Variants in CACNA2D3 observed in about 807,000 individuals in gnomAD.
The protein encoded by CACNA2D3 is calcium voltage-gated channel auxiliary subunit alpha2delta 3.
CACNA2D3 carries 60 observed loss-of-function variants against 160.6 expected under a neutral mutation model. That is an observed-to-expected ratio of 0.37 (90% CI 0.30 to 0.46). The LOEUF is 0.46. Ranked by LOEUF, CACNA2D3 falls within the 20% of genes least tolerant of loss-of-function variation. The pLI is 1.00. For missense variants in CACNA2D3, 1,205 were observed against 1,365.0 expected (o/e 0.88, Z 1.85); for synonymous variants, 558 against 492.9 (o/e 1.13, Z -1.75).
At chr3:54,527,810 A>G (rs963626655) in intron 5 of CACNA2D3, among the ~76,000 whole-genome samples, 2 of 152,142 alleles carry the variant, frequency 1.3e-5, no homozygotes, top group African/African-American at 2.4e-5. Context: ...TGTCTTGCCA[A>G]ACTTGGATGA....
At chr3:54,913,845 G>T (rs996349626) in intron 27 of CACNA2D3, among the ~76,000 whole-genome samples, 1 of 152,150 alleles carries the variant, frequency 6.6e-6, no homozygotes, top group African/African-American at 2.4e-5. Flanking sequence ...TAAGCTGTCT[G>T]TGTCTTCGTA....
intron 2 of CACNA2D3, among the ~76,000 whole-genome samples, chr3:54,203,683 A>G (rs529914049): frequency 3.3e-5 from 5 of 151,826 alleles, no homozygotes; most frequent in African/African-American, 1.2e-4. Context: ...TCCCTCGGCC[A>G]AACTCCGTCT....
intron 11 of CACNA2D3, among the ~76,000 whole-genome samples, chr3:54,728,634 T>A (rs1484660589): frequency 6.6e-6 from 1 of 152,230 alleles, no homozygotes; most frequent in Non-Finnish European, 1.5e-5. Flanking sequence ...GAAAAATTGT[T>A]GAGGCTTTGG....
At chr3:54,683,379 C>G (rs931334567) in intron 11 of CACNA2D3, among the ~76,000 whole-genome samples, 1 of 152,164 alleles carries the variant, frequency 6.6e-6, no homozygotes, top group African/African-American at 2.4e-5. Flanking sequence ...CAAAAACTTT[C>G]AATGTGGGCT....
At chr3:54,473,021 AG>A (rs1450512641) in intron 4 of CACNA2D3, among the ~76,000 whole-genome samples, 2 of 152,174 alleles carry the variant, frequency 1.3e-5, no homozygotes, top group Non-Finnish European at 2.9e-5. Context: ...TCCTAGAATT[AG>A]AAAAAACTAC....
At chr3:54,628,225 C>CA (rs377753491) in intron 10 of CACNA2D3, among the ~76,000 whole-genome samples, 87 of 148,542 alleles carry the variant, frequency 5.9e-4, no homozygotes, top group South Asian at 4.3e-4. Flanking sequence ...GACTCCGTCT[C>CA]AAAAAAAAAT....
intron 3 of CACNA2D3, among the ~76,000 whole-genome samples, chr3:54,350,325 T>A (rs1208434138): frequency 6.6e-6 from 1 of 152,238 alleles, no homozygotes; most frequent in Non-Finnish European, 1.5e-5. Flanking sequence ...GTATATTTTC[T>A]AATGGAGATT....
intron 25 of CACNA2D3, chr3:54,894,705 C>T (rs765048802): frequency 3.5e-5 from 17 of 481,894 alleles, no homozygotes; most frequent in African/African-American, 3.3e-4. Flanking sequence ...GGCCAGGCAA[C>T]AGAGGCTCCT....
At chr3:54,130,356 T>G (rs1426129475) in intron 2 of CACNA2D3, among the ~76,000 whole-genome samples, 1 of 152,246 alleles carries the variant, frequency 6.6e-6, no homozygotes, top group East Asian at 1.9e-4. Context: ...TTTTCAAAGA[T>G]TCACATCTTT....
At chr3:54,992,092 A>G (rs1187514797) in intron 31 of CACNA2D3, among the ~76,000 whole-genome samples, 1 of 152,084 alleles carries the variant, frequency 6.6e-6, no homozygotes, top group Non-Finnish European at 1.5e-5. Flanking sequence ...GACCTTTAAA[A>G]ACACTCCAAG....
intron 16 of CACNA2D3, among the ~76,000 whole-genome samples, chr3:54,844,073 G>A (rs1413984566): frequency 1.3e-5 from 2 of 152,080 alleles, no homozygotes; most frequent in African/African-American, 4.8e-5. Flanking sequence ...TTGAGGGAGA[G>A]GAGAGCTAAG....
chr3:54,301,342 T>A (rs531916168), intron 2 of CACNA2D3, among the ~76,000 whole-genome samples: 262 of 150,536 alleles, frequency 1.7e-3, no homozygotes, highest in Non-Finnish European at 2.8e-3. Flanking sequence ...CTCACACCTG[T>A]AGTCCCAGCA....
intron 4 of CACNA2D3, among the ~76,000 whole-genome samples, chr3:54,441,374 T>C (rs931948624): frequency 3.9e-5 from 6 of 152,230 alleles, no homozygotes; most frequent in Non-Finnish European, 8.8e-5. Context: ...TCATTGTAGA[T>C]TCTGGATATT....
chr3:54,936,626 G>A (rs1701336306), intron 27 of CACNA2D3, among the ~76,000 whole-genome samples: 1 of 152,060 alleles, frequency 6.6e-6, no homozygotes, highest in African/African-American at 2.4e-5. Context: ...TCCCATATTG[G>A]GTTACCTACT....
intron 4 of CACNA2D3, among the ~76,000 whole-genome samples, chr3:54,393,219 G>A (rs1490228295): frequency 6.6e-6 from 1 of 152,136 alleles, no homozygotes; most frequent in African/African-American, 2.4e-5. Context: ...ACCCATCGTC[G>A]ACGTGGAGAC....
At chr3:54,215,512 A>G (rs1701444770) in intron 2 of CACNA2D3, among the ~76,000 whole-genome samples, 1 of 152,112 alleles carries the variant, frequency 6.6e-6, no homozygotes. Context: ...TATTACACAC[A>G]TGTGGGTTTG....
intron 27 of CACNA2D3, chr3:54,924,529 C>T: frequency 9.1e-7 from 1 of 1,095,582 alleles, no homozygotes; most frequent in Non-Finnish European, 1.3e-6. Flanking sequence ...CTTACACACT[C>T]CTCCACATTC....
chr3:54,893,402 T>C (rs1016719411), intron 25 of CACNA2D3, among the ~76,000 whole-genome samples: 2 of 139,632 alleles, frequency 1.4e-5, no homozygotes, highest in African/African-American at 5.4e-5. Context: ...ACAATTTGAA[T>C]GGATGAAATC....
At chr3:54,626,191 G>C in intron 9 of CACNA2D3, 1 of 751,888 alleles carries the variant, frequency 1.3e-6, no homozygotes, top group Non-Finnish European at 2.3e-6. Flanking sequence ...GGACCAGAGA[G>C]CTCTTTTCTG....
Sources: allele counts gnomAD v4.1 joint callset (sites outside exome capture counted in the v4.1 genomes callset), GRCh38; gene constraint gnomAD v4.1.1; transcripts MANE v1.5; gene names NCBI Gene and HGNC (gene_info 2026-07-23, HGNC 2026-07-21).